RABGAP1L: variants seen among roughly 807,000 people sequenced by gnomAD.
RABGAP1L encodes the protein RAB GTPase activating protein 1 like.
A neutral mutation model predicts 137.7 loss-of-function variants in RABGAP1L; 63 were observed. That is an observed-to-expected ratio of 0.46 (90% confidence interval 0.37 to 0.56). The LOEUF is 0.56. Among genes scored for constraint, RABGAP1L ranks in the 20% least tolerant of loss-of-function variants. The pLI, the probability that RABGAP1L is intolerant of heterozygous loss-of-function variation, is 0.00. For synonymous variants in RABGAP1L, 431 were observed against 433.7 expected, an observed-to-expected ratio of 0.99 and a Z score of 0.08; for missense variants, 1,095 against 1,244.0, an observed-to-expected ratio of 0.88 and a Z score of 1.80.
chr1:174,369,809 G>A (rs1458466256), intron 11 of RABGAP1L, among the ~76,000 whole-genome samples: 1 of 152,126 alleles, frequency 6.6e-6, no homozygotes, highest in Non-Finnish European at 1.5e-5. Flanking sequence ...TTAATTAACA[G>A]AATGATGTTC....
At chr1:174,635,557 T>G (rs1673939424) in intron 13 of RABGAP1L, among the ~76,000 whole-genome samples, 1 of 152,184 alleles carries the variant, frequency 6.6e-6, no homozygotes, top group African/African-American at 2.4e-5. Context: ...CCCTGCAGTT[T>G]TCTTTATCAT....
intron 10 of RABGAP1L, among the ~76,000 whole-genome samples, chr1:174,302,449 G>T (rs1373434114): frequency 6.6e-6 from 1 of 152,228 alleles, no homozygotes; most frequent in African/African-American, 2.4e-5. Context: ...AAGTTAGAAT[G>T]AATTGAGAGG....
intron 18 of RABGAP1L, among the ~76,000 whole-genome samples, chr1:174,797,038 T>G (rs1200219485): frequency 4.6e-5 from 7 of 152,158 alleles, no homozygotes. Context: ...AATTATTACA[T>G]TTAATACATA....
At chr1:174,238,777 G>C (rs1671474340) in intron 4 of RABGAP1L, 1 of 151,232 alleles carries the variant, frequency 6.6e-6, no homozygotes, top group African/African-American at 2.4e-5. Context: ...AGGCCTCCTT[G>C]AGCTGTGGTG....
At chr1:174,176,736 A>T (rs144364850) in intron 1 of RABGAP1L, among the ~76,000 whole-genome samples, 1,740 of 82,756 alleles carry the variant, frequency 0.021, 132 homozygotes, top group African/African-American at 0.076. Flanking sequence ...AAAAAAAAAA[A>T]AAAAAAAAAA....
intron 11 of RABGAP1L, 62 bp from the exon 12 acceptor site, chr1:174,370,917 A>G (rs1685067312): frequency 1.2e-6 from 1 of 847,004 alleles, no homozygotes; most frequent in South Asian, 2.7e-5. Flanking sequence ...ATTGTATGAT[A>G]TATAAAGTAT....
intron 13 of RABGAP1L, among the ~76,000 whole-genome samples, chr1:174,636,106 A>G (rs1674004504): frequency 6.6e-6 from 1 of 152,222 alleles, no homozygotes; most frequent in East Asian, 1.9e-4. Flanking sequence ...TGACATTTAA[A>G]AAGATAAACA....
At chr1:174,239,393 T>C (rs1478031865) in intron 4 of RABGAP1L, among the ~76,000 whole-genome samples, 3 of 152,204 alleles carry the variant, frequency 2.0e-5, no homozygotes, top group Non-Finnish European at 4.4e-5. Context: ...TTCATTCTTA[T>C]AGGACTTACC....
At chr1:174,709,049 C>T (rs1680273988) in intron 17 of RABGAP1L, among the ~76,000 whole-genome samples, 1 of 152,178 alleles carries the variant, frequency 6.6e-6, no homozygotes, top group South Asian at 2.1e-4. Flanking sequence ...GTAAACAAAG[C>T]CTCCAGGAAA....
chr1:174,638,534 T>G (rs10798321), intron 14 of RABGAP1L, among the ~76,000 whole-genome samples: 5 of 149,152 alleles, frequency 3.4e-5, no homozygotes, highest in African/African-American at 7.4e-5. Context: ...TCCCATTACT[T>G]GGTATATACC....
chr1:174,847,322 T>C (rs961857415), intron 19 of RABGAP1L, among the ~76,000 whole-genome samples: 1 of 151,656 alleles, frequency 6.6e-6, no homozygotes, highest in Non-Finnish European at 1.5e-5. Flanking sequence ...CTTCTCAGCA[T>C]AGATGGTCTT....
At chr1:174,632,310 T>A (rs1401018934) in intron 13 of RABGAP1L, among the ~76,000 whole-genome samples, 1 of 149,802 alleles carries the variant, frequency 6.7e-6, no homozygotes, top group African/African-American at 2.5e-5. Context: ...GACCTTTCTC[T>A]CTGGCTGCCT....
At chr1:174,241,202 C>T (rs1671795097) in intron 4 of RABGAP1L, among the ~76,000 whole-genome samples, 1 of 152,030 alleles carries the variant, frequency 6.6e-6, no homozygotes, top group African/African-American at 2.4e-5. Context: ...CACCTGTTAT[C>T]CCAGGTACTT....
intron 13 of RABGAP1L, among the ~76,000 whole-genome samples, chr1:174,438,255 C>A (rs1218718009): frequency 6.6e-6 from 1 of 152,096 alleles, no homozygotes; most frequent in African/African-American, 2.4e-5. Context: ...TTTTCTCTTT[C>A]CCAAGATCGT....
At chr1:174,917,879 C>A (rs182909622) in intron 19 of RABGAP1L, among the ~76,000 whole-genome samples, 7 of 148,900 alleles carry the variant, frequency 4.7e-5, no homozygotes, top group Admixed American at 1.4e-4. Context: ...TTGCAGTGTG[C>A]TGAGATCGTG....
At chr1:174,231,442 T>TA (rs1571670748) in intron 4 of RABGAP1L, 87 bp downstream of exon 4, 1 of 1,201,010 alleles carries the variant, frequency 8.3e-7, no homozygotes, top group East Asian at 2.3e-5. Context: ...GTGTAGAACT[T>TA]ACTGTGAACT....
At chr1:174,269,256 G>T (rs531859950) in intron 7 of RABGAP1L, among the ~76,000 whole-genome samples, 1 of 152,230 alleles carries the variant, frequency 6.6e-6, no homozygotes, top group Non-Finnish European at 1.5e-5. Context: ...CCGGCCAGGA[G>T]TTTTTTCATG....
intron 4 of RABGAP1L, among the ~76,000 whole-genome samples, chr1:174,240,390 G>T (rs1255890672): frequency 6.6e-6 from 1 of 152,214 alleles, no homozygotes; most frequent in Admixed American, 6.5e-5. Context: ...GGGAATACCG[G>T]TTCCCACCGC....
chr1:174,871,047 C>T (rs1006874080), intron 19 of RABGAP1L, among the ~76,000 whole-genome samples: 1 of 149,498 alleles, frequency 6.7e-6, no homozygotes, highest in East Asian at 2.0e-4. Flanking sequence ...CCTATTATAA[C>T]ATTTTTAGTA....
Sources: gnomAD v4.1 joint callset for allele counts (sites outside exome capture counted in the v4.1 genomes callset) on GRCh38, gnomAD v4.1.1 for gene constraint, MANE v1.5 for transcripts, NCBI Gene and HGNC (gene_info 2026-07-23, HGNC 2026-07-21) for gene names.